Variants in PPP2R1B observed in about 807,000 individuals in gnomAD.
PPP2R1B encodes protein phosphatase 2 scaffold subunit Abeta, also known as serine/threonine-protein phosphatase 2A 65 kDa regulatory subunit A beta isoform.
A neutral mutation model predicts 72.7 loss-of-function variants in PPP2R1B; 58 were observed. The ratio of observed to expected loss-of-function variants is 0.80; its 90% CI spans 0.65 to 0.99. The LOEUF (loss-of-function observed/expected upper bound fraction) is 0.99, where lower values mean the gene tolerates loss of function less well. Ranked by LOEUF, PPP2R1B falls within the 50% of genes least tolerant of loss-of-function variation. PPP2R1B has a pLI of 0.00. For missense variants in PPP2R1B, 695 were observed against 733.6 expected, an observed-to-expected ratio of 0.95 and a Z score of 0.61; for synonymous variants, 256 against 264.6, an observed-to-expected ratio of 0.97 and a Z score of 0.32.
At chr11:111,758,975 C>T (rs1333682781) in intron 5 of PPP2R1B, among the ~76,000 whole-genome samples, 3 of 152,064 alleles carry the variant, frequency 2.0e-5, no homozygotes, top group Non-Finnish European at 4.4e-5. Flanking sequence ...ACACATGAAG[C>T]GATCTTAGGG....
At chr11:111,711,437 A>T in the PPP2R1B span, among the ~76,000 whole-genome samples, 1 of 152,286 alleles carries the variant, frequency 6.6e-6, no homozygotes, top group Admixed American at 6.5e-5. Flanking sequence ...GATTTTTTAA[A>T]AGAAGCATTT....
downstream of PPP2R1B, among the ~76,000 whole-genome samples, chr11:111,735,508 G>A (rs764739120): frequency 1.6e-4 from 25 of 152,292 alleles, no homozygotes; most frequent in Non-Finnish European, 3.1e-4. Flanking sequence ...CCGGACCCGC[G>A]GCAGCAAGGT....
chr11:111,752,203 G>C lies in PPP2R1B; in HGVS notation c.1294C>G (p.Arg432Gly). 2.5e-6 allele frequency: 4 copies of C among 1,613,924 alleles called. No individual in the cohort carries two copies. Among genetic ancestry groups the C allele is most frequent in the Non-Finnish European group, 3.4e-6 (4 of 1,179,948 alleles). ...GGCATATACTCAATGATGGCCAGGC[G>C]GACCCTCCATTTGGCATCTTCTGCC... ...ELAEDAKWRVRLAIIEYMPLL... is the reference protein window; with the variant it reads ...ELAEDAKWRVGLAIIEYMPLL... The change falls in exon 10 of 15, where the codon CGC becomes GGC. Residue 432 changes from arginine to glycine, a missense_variant. Physicochemically the swap from Arg to Gly is moderately radical, Grantham distance 125. Coordinates refer to ENST00000527614, the MANE Select transcript of PPP2R1B (RefSeq NM_002716.5).
In PPP2R1B at chr11:111,738,898, G is replaced by GTC. The variant is rs1944425401; in HGVS notation, c.*2697_*2698insGA. On this transcript the variant is annotated 3_prime_UTR_variant, in exon 15 of 15. Coordinates refer to ENST00000527614, the MANE Select transcript of PPP2R1B (RefSeq NM_002716.5). Reference sequence around the variant, plus strand: ...GTTATATGTTTGTGTGTGTGTGTGTGTGTGTGTGTGTGTGTGTGTGTGTGT... The same window carrying GTC: ...GTTATATGTTTGTGTGTGTGTGTGTGTCTGTGTGTGTGTGTGTGTGTGTGTGT... The GTC allele has an allele frequency of 1.0e-6, 1 of 972,194 alleles. No individual in the cohort carries two copies. 60.2% of individuals were successfully genotyped at this position (972,194 alleles called of 1,614,324 possible).
chr11:111,742,486 TA>T (rs1432196925), intron 13 of PPP2R1B, 36 bp downstream of exon 13: 1 of 1,588,956 alleles, frequency 6.3e-7, no homozygotes, highest in South Asian at 1.1e-5. Flanking sequence ...AAATTTAAAG[TA>T]CACTTTTAAA....
chr11:111,700,112 A>G, the PPP2R1B span, among the ~76,000 whole-genome samples: 8 of 152,234 alleles, frequency 5.3e-5, no homozygotes, highest in African/African-American at 1.9e-4. Flanking sequence ...ATTTGTAACA[A>G]TACTTACTAA....
At position 111,747,937 on chromosome 11, in the gene PPP2R1B, T is replaced by C; in HGVS notation, c.1399+17A>G. 6.3e-7 allele frequency: 1 copy of C among 1,593,952 alleles called. No individual in the cohort carries two copies. ...ATGGATATATGGGCTTTCAATAATC[T>C]GTTTTTATCTACTCACCATGGTCCA... On this transcript the variant is annotated intron_variant, in intron 11 of 14. Transcript: ENST00000527614.
downstream of PPP2R1B, among the ~76,000 whole-genome samples, chr11:111,735,494 G>A (rs536893627): frequency 5.9e-5 from 9 of 152,332 alleles, no homozygotes; most frequent in African/African-American, 1.4e-4. Context: ...GGAGTGAGCC[G>A]CTGCCGGACC....
At chr11:111,714,186 C>T in the PPP2R1B span, among the ~76,000 whole-genome samples, 1 of 152,136 alleles carries the variant, frequency 6.6e-6, no homozygotes, top group African/African-American at 2.4e-5. Context: ...CTAGGGAAGC[C>T]TAAGTCCATC....
the PPP2R1B span, chr11:111,720,051 A>T: frequency 6.4e-7 from 1 of 1,558,558 alleles, no homozygotes; most frequent in Non-Finnish European, 8.7e-7. Context: ...GCATCATGTC[A>T]TACTCCAATT....
rs1436534623 is a variant in PPP2R1B at position 111,739,041 on chromosome 11, G to A, written c.*2555C>T. ...ACACAGAACTGTAGTCTAAGCCAGG[G>A]GACCAGAAAAGGGCCACATAAAGCT... On this transcript the variant is annotated 3_prime_UTR_variant, in exon 15 of 15. Coordinates refer to ENST00000527614, the MANE Select transcript of PPP2R1B (RefSeq NM_002716.5). 10 of 985,208 alleles carry A rather than the reference G, an allele frequency of 1.0e-5. No homozygotes were observed. Among genetic ancestry groups the A allele is most frequent in the Non-Finnish European group, 1.2e-5 (10 of 829,928 alleles). 61.0% of individuals were successfully genotyped at this position (985,208 alleles called of 1,614,324 possible).
At chr11:111,691,235 A>C in the PPP2R1B span, among the ~76,000 whole-genome samples, 1 of 152,112 alleles carries the variant, frequency 6.6e-6, no homozygotes, top group Admixed American at 6.6e-5. Context: ...TTAGTATCTA[A>C]TCTTCAAGCC....
chr11:111,739,435 TTCTC>T lies in PPP2R1B; in HGVS notation c.*2157_*2160del, dbSNP rs1320170059. On this transcript the variant is annotated 3_prime_UTR_variant, in exon 15 of 15. Coordinates refer to ENST00000527614, the MANE Select transcript of PPP2R1B (RefSeq NM_002716.5). ...TTCCTCTGAAGAGTACCAAAACAAA[TTCTC>T]TCTCTATTGCTTAAGTCAGAAGGAA... is the stretch of plus-strand genomic sequence containing the variant. The T allele has an allele frequency of 2.9e-5, 29 of 985,008 alleles. No homozygotes were observed. The highest frequency in any genetic ancestry group is 5.2e-4 in the Middle Eastern group (1 of 1,936). The allele number at this position is 985,008 out of a possible 1,614,324, so 61.0% of individuals were successfully genotyped here.
Position 111,741,165 on chromosome 11 carries a change from CAT to C in PPP2R1B, c.*429_*430del. 3.0e-6 allele frequency: 3 copies of C among 993,854 alleles called. No homozygotes were observed. The African/African-American group carries it at 5.2e-5, about 17-fold the overall frequency. The allele number at this position is 993,854 out of a possible 1,614,324, so 61.6% of individuals were successfully genotyped here. The stretch of plus-strand genomic sequence containing the variant: ...AGTTTATAAAATAAGTTATTCTAAA[CAT>C]GTACATTTAGCTTTGGAATGATGGA... On this transcript the variant is annotated 3_prime_UTR_variant, in exon 15 of 15. Transcript: ENST00000527614.
intron 15 of PPP2R1B, chr11:111,729,717 C>G (rs971794277): frequency 1.3e-5 from 2 of 152,232 alleles, no homozygotes; most frequent in Non-Finnish European, 2.9e-5. Flanking sequence ...TGATATTGTT[C>G]CCACAACCTT....
At chr11:111,763,968 T>C (rs1945425867) in intron 3 of PPP2R1B, among the ~76,000 whole-genome samples, 1 of 152,182 alleles carries the variant, frequency 6.6e-6, no homozygotes, top group Admixed American at 6.5e-5. Flanking sequence ...CAGTATTACA[T>C]ACCCAGTATT....
intron 11 of PPP2R1B, among the ~76,000 whole-genome samples, chr11:111,746,171 T>C (rs1944696015): frequency 6.6e-6 from 1 of 151,896 alleles, no homozygotes; most frequent in Non-Finnish European, 1.5e-5. Flanking sequence ...AACACCATCT[T>C]AATCTAAAAT....
chr11:111,765,520 T>A, intron 1 of PPP2R1B, 136 bp from the exon 2 acceptor site: 1 of 739,568 alleles, frequency 1.4e-6, no homozygotes, highest in Non-Finnish European at 2.2e-6. Context: ...ATTTTACTGT[T>A]AAGGAAGCTC....
downstream of PPP2R1B, among the ~76,000 whole-genome samples, chr11:111,722,947 C>A (rs906512060): frequency 2.6e-5 from 4 of 152,230 alleles, no homozygotes; most frequent in Non-Finnish European, 5.9e-5. This position sits in a 1 kb window ranked among gnomAD's most constrained non-coding sequence, Gnocchi z 4.4. Context: ...CTGTCAGGCA[C>A]TGGCAGCCCC....
Sources: gnomAD v4.1 joint callset for allele counts (sites outside exome capture counted in the v4.1 genomes callset) on GRCh38, gnomAD v4.1.1 for gene constraint, Gnocchi (gnomAD v3.1) non-coding constraint, MANE v1.5 for transcripts, NCBI Gene and HGNC (gene_info 2026-07-23, HGNC 2026-07-21) for gene names.